The following AKTIP variants were observed in gnomAD, a reference collection of about 807,000 sequenced individuals.
AKTIP encodes AKT-interacting protein.
A neutral mutation model predicts 39.1 loss-of-function variants in AKTIP; 16 were observed. That is an observed-to-expected ratio of 0.41 (90% CI 0.28 to 0.62). The LOEUF is 0.62. Among genes scored for constraint, AKTIP ranks in the 20% least tolerant of loss-of-function variants. The pLI is 0.32. For missense variants in AKTIP, 262 were observed against 356.6 expected (o/e 0.73, Z 2.14); for synonymous variants, 93 against 124.3 (o/e 0.75, Z 1.67).
rs1287407493 is a variant in AKTIP, at chr16:53,492,346, A to G, written c.*66T>C. The G allele has an allele frequency of 4.3e-6, 6 of 1,382,820 alleles. No homozygotes were observed. Among genetic ancestry groups the G allele is most frequent in the Non-Finnish European group, 5.1e-6 (5 of 978,256 alleles). 85.7% of individuals were successfully genotyped at this position (1,382,820 alleles called of 1,614,324 possible). A position where few individuals can be genotyped will look rare whatever the true frequency, so the allele number is the denominator to read the frequency against. ...TTTACTCTTCAGGCAGTCCTCTGCCATTGGTCAGCTTGAACTAGGCCAGAG... is the reference window on the plus strand; with the variant it reads ...TTTACTCTTCAGGCAGTCCTCTGCCGTTGGTCAGCTTGAACTAGGCCAGAG... On this transcript the variant is annotated 3_prime_UTR_variant, in exon 10 of 10. Transcript: ENST00000394657.
upstream of AKTIP, chr16:53,503,254 A>ACCCCACCCCG (rs1962297009): frequency 2.3e-5 from 1 of 43,978 alleles, no homozygotes; most frequent in Non-Finnish European, 5.3e-5. Context: ...GCCCCGCCCC[A>ACCCCACCCCG]CCCCGCCCTG....
chr16:53,494,187 T>A lies in AKTIP; in HGVS notation c.661A>T (p.Thr221Ser). The A allele has an allele frequency of 6.2e-7, 1 of 1,614,210 alleles. No individual in the cohort carries two copies. Among genetic ancestry groups the A allele is most frequent in the South Asian group, 1.1e-5 (1 of 91,082 alleles). Reference sequence around the variant, plus strand: ...TTAGGTTGGTCAAACAAACGAGCAGTGCACACCTTAACACTGTCAACAACT... The same window carrying A: ...TTAGGTTGGTCAAACAAACGAGCAGAGCACACCTTAACACTGTCAACAACT... ...SKVVDSVKVC[T>S]ARLFDQPKIE... Residue 221 changes from threonine to serine, a missense_variant, in exon 8 of 10, where the codon ACT (threonine) becomes TCT (serine). Around this residue, in one of 4 missense-constraint regions of AKTIP, gnomAD observed 145 missense variants for 159.3 expected, o/e 0.91. Coordinates refer to ENST00000394657, the MANE Select transcript of AKTIP (RefSeq NM_022476.4).
chr16:53,496,894 T>C (rs929445370), intron 3 of AKTIP, among the ~76,000 whole-genome samples: 6 of 152,162 alleles, frequency 3.9e-5, no homozygotes, highest in South Asian at 2.1e-4. Flanking sequence ...TTGTCTCACA[T>C]TGCAGAGCTC....
intron 7 of AKTIP, 30 bp from the exon 8 acceptor site, chr16:53,494,275 C>T: frequency 6.2e-7 from 1 of 1,611,024 alleles, no homozygotes; most frequent in South Asian, 1.1e-5. Flanking sequence ...CAAAAAGTTA[C>T]TAACTTAATC....
chr16:53,496,558 C>T (rs970234243), intron 3 of AKTIP, among the ~76,000 whole-genome samples: 4 of 141,586 alleles, frequency 2.8e-5, no homozygotes, highest in Admixed American at 7.4e-5. Context: ...AGGCTGTCTG[C>T]GATGTCTCAT....
Position 53,498,588 on chromosome 16 carries a change from T to C in AKTIP, c.51A>G (p.Glu17=), listed in dbSNP as rs140403391. The C allele has an allele frequency of 7.4e-6, 12 of 1,614,022 alleles. No homozygotes were observed. In the African/African-American group the frequency reaches 1.5e-4, roughly 20 times the overall value. ...MSTSSVRKRS[E]GEEKTLTGDV... ...CCCCTGTTAATGTCTTCTCTTCACC[T>C]TCAGATCGCTATACAAGATGAAGTT... is the stretch of plus-strand genomic sequence containing the variant. Residue 17 remains glutamate, a synonymous_variant, in exon 3 of 10, where the codon GAA becomes GAG. Coordinates refer to ENST00000394657, the MANE Select transcript of AKTIP (RefSeq NM_022476.4).
rs1435906781 is a variant in AKTIP, at chr16:53,491,490, AAGTT to A, written c.*918_*921del. The A allele has an allele frequency of 6.6e-6, 1 of 152,598 alleles. No individual in the cohort carries two copies. Among genetic ancestry groups the A allele is most frequent in the Admixed American group, 6.5e-5 (1 of 15,280 alleles). The allele number at this position is 152,598 out of a possible 1,614,324, so 9.5% of individuals were successfully genotyped here. On this transcript the variant is annotated 3_prime_UTR_variant, in exon 10 of 10. Transcript: ENST00000394657. Reference sequence around the variant, plus strand: ...ATTGTAAATTGAATCAGTATAAACAAAGTTACTAGGTAACTTCATATTGCTGAGA... The same window carrying A: ...ATTGTAAATTGAATCAGTATAAACAAACTAGGTAACTTCATATTGCTGAGA...
At chr16:53,503,793 G>A (rs927819354), upstream of AKTIP, among the ~76,000 whole-genome samples, 8 of 152,222 alleles carry the variant, frequency 5.3e-5, no homozygotes, top group African/African-American at 1.9e-4. Context: ...GGTACCAGGG[G>A]TCAGAAGGAC....
At chr16:53,493,364 G>T (rs564637284) in intron 8 of AKTIP, 1 of 153,284 alleles carries the variant, frequency 6.5e-6, no homozygotes, top group East Asian at 1.9e-4. Context: ...TAGAGACGGG[G>T]TTTCTCCATG....
chr16:53,504,072 C>T (rs1444404029), upstream of AKTIP, among the ~76,000 whole-genome samples: 1 of 150,726 alleles, frequency 6.6e-6, no homozygotes, highest in African/African-American at 2.4e-5. Flanking sequence ...TCTCCCATAG[C>T]AACATAGTTC....
intron 1 of AKTIP, among the ~76,000 whole-genome samples, chr16:53,500,808 T>C (rs1462897924): frequency 1.3e-5 from 2 of 152,224 alleles, no homozygotes; most frequent in Non-Finnish European, 2.9e-5. Context: ...AGTTTCCTTC[T>C]ATACCCACCT....
Position 53,494,584 on chromosome 16 carries a change from C to G in AKTIP, c.436G>C (p.Val146Leu). 1 of 1,614,108 alleles carries G rather than the reference C, an allele frequency of 6.2e-7. No individual in the cohort carries two copies. The highest frequency in any genetic ancestry group is 1.1e-5 in the South Asian group (1 of 91,074). Residue 146 changes from valine (V) to leucine (L), a missense_variant, in exon 6 of 10, where the codon GTC (valine) becomes CTC (leucine). Val to Leu is a conservative substitution (Grantham distance 32, BLOSUM62 1). Transcript: ENST00000394657. ...DCPRLVFDIP[V>L]FHPLVDPTSG... is the part of the protein sequence containing the mutation. Reference sequence around the variant, plus strand: ...GTGGGATCAACTAGCGGGTGAAAGACAGGAATATCGAACACCAAGCGCTGT... The same window carrying G: ...GTGGGATCAACTAGCGGGTGAAAGAGAGGAATATCGAACACCAAGCGCTGT...
intron 2 of AKTIP, 32 bp from the exon 3 acceptor site, chr16:53,498,628 T>C: frequency 6.3e-7 from 1 of 1,589,286 alleles, no homozygotes; most frequent in Non-Finnish European, 8.6e-7. Context: ...GAATATCTGT[T>C]AGGATGATTC....
At chr16:53,503,256 C>T (rs1487740354), upstream of AKTIP, 3 of 36,022 alleles carry the variant, frequency 8.3e-5, no homozygotes, top group Non-Finnish European at 1.5e-4. Context: ...CCCGCCCCAC[C>T]CCGCCCTGCC....
rs780258665 is a variant in AKTIP, at chr16:53,495,070, T to C, written c.414+3A>G. 1.2e-6 allele frequency: 2 copies of C among 1,612,480 alleles called. No homozygotes were observed. The highest frequency in any genetic ancestry group is 1.3e-5 in the African/African-American group (1 of 75,004). ...ATAAAGCCAGACTGTGTCTCCAACT[T>C]ACTGGACAGTCACCATCTGGATAGT... On this transcript the variant is annotated splice_donor_region_variant and intron_variant, in intron 5 of 9. Transcript: ENST00000394657.
chr16:53,502,020 G>A (rs1300269413), intron 1 of AKTIP, among the ~76,000 whole-genome samples: 1 of 152,180 alleles, frequency 6.6e-6, no homozygotes, highest in Non-Finnish European at 1.5e-5. Context: ...ACACGGGACC[G>A]GATCCCTTGG....
rs996568243 is a variant in AKTIP, at chr16:53,492,101, C to G, written c.*311G>C. 2 of 260,936 alleles carry G rather than the reference C, an allele frequency of 7.7e-6. No individual in the cohort carries two copies. The highest frequency in any genetic ancestry group is 1.5e-5 in the Non-Finnish European group (2 of 134,168). 16.2% of individuals were successfully genotyped at this position (260,936 alleles called of 1,614,324 possible). A position where few individuals can be genotyped will look rare whatever the true frequency, so the allele number is the denominator to read the frequency against. The stretch of plus-strand genomic sequence containing the variant: ...TAAGTAGTGCTGAATTCTGTCTGCT[C>G]TATTAGTTTAAATGAATGCAACTTA... On this transcript the variant is annotated 3_prime_UTR_variant, in exon 10 of 10. Transcript: ENST00000394657.
Position 53,494,394 on chromosome 16 carries a change from T to C in AKTIP, c.547A>G (p.Arg183Gly), listed in dbSNP as rs759826964. The change falls in exon 7 of 10, where the codon AGA (arginine) becomes GGA (glycine). Residue 183 changes from arginine (R) to glycine (G), a missense_variant. By Grantham distance (125) the Arg-to-Gly change is moderately radical (BLOSUM62 -2). Around this residue, in one of 4 missense-constraint regions of AKTIP, gnomAD observed 145 missense variants for 159.3 expected, o/e 0.91. Coordinates refer to ENST00000394657, the MANE Select transcript of AKTIP (RefSeq NM_022476.4). ...HIWQVLMYAR[R>G]VFYKIDTASP... ...GCTGTATCAATCTTGTAGAAAACTC[T>C]CCTTGCATACATTAATACCTGCCAA... 3.7e-6 allele frequency: 6 copies of C among 1,614,084 alleles called. No individual in the cohort carries two copies. Among genetic ancestry groups the C allele is most frequent in the Non-Finnish European group, 8.5e-7 (1 of 1,180,054 alleles).
In AKTIP at chr16:53,492,711, T is replaced by C. The variant is rs1284857214; in HGVS notation, c.753A>G (p.Glu251=). ...WNPSVHDEAR[E]KMLTQKKPEE... The stretch of plus-strand genomic sequence containing the variant: ...CACTTACTTTCTGAGTCAGCATCTT[T>C]TCTCTGGCTTCATCATGTACAGAAG... The change falls in exon 9 of 10, where the codon GAA becomes GAG. Residue 251 remains glutamate (E), a synonymous_variant. Transcript: ENST00000394657. The C allele has an allele frequency of 6.2e-7, 1 of 1,614,174 alleles. No individual in the cohort carries two copies. Among genetic ancestry groups the C allele is most frequent in the Admixed American group, 1.7e-5 (1 of 60,026 alleles).
Sources: gnomAD v4.1 joint callset for allele counts (sites outside exome capture counted in the v4.1 genomes callset) on GRCh38, gnomAD v4.1.1 for gene constraint, gnomAD v4.1.1 regional missense constraint, MANE v1.5 for transcripts, NCBI Gene and HGNC (gene_info 2026-07-23, HGNC 2026-07-21) for gene names.